Variants in XKR9 observed in about 807,000 individuals in gnomAD.
The protein encoded by XKR9 is XK-related protein 9.
In XKR9, 32 loss-of-function variants were observed where a neutral mutation model predicts 32.0. That is an observed-to-expected ratio of 1.00 (90% CI 0.76 to 1.34). XKR9 has a LOEUF of 1.34. Ranked by LOEUF, XKR9 falls within the 40% of genes most tolerant of loss-of-function variation. The probability of loss-of-function intolerance (pLI) is 0.00; values close to 1 mark genes in which losing one functional copy is unlikely to be tolerated. For synonymous variants in XKR9, 168 were observed against 143.4 expected, an observed-to-expected ratio of 1.17 and a Z score of -1.22; for missense variants, 546 against 429.7, an observed-to-expected ratio of 1.27 and a Z score of -2.39.
chr8:71,064,261 C>T, the XKR9 span, among the ~76,000 whole-genome samples: 1 of 152,216 alleles, frequency 6.6e-6, no homozygotes, highest in Admixed American at 6.5e-5. Context: ...TATTAGCTTC[C>T]ACATGCATCT....
intron 3 of XKR9, among the ~76,000 whole-genome samples, chr8:70,702,926 CT>C (rs2132166731): frequency 6.6e-6 from 1 of 152,164 alleles, no homozygotes; most frequent in East Asian, 1.9e-4. Context: ...TGTTTTCTGA[CT>C]TTTGTTGTTT....
At chr8:70,749,725 C>G (rs35960437) in intron 2 of XKR9, among the ~76,000 whole-genome samples, 61,161 of 151,896 alleles carry the variant, frequency 0.4, 13,828 homozygotes, top group Non-Finnish European at 0.52. Context: ...GGAACGAACC[C>G]AGCAGGTGCA....
At chr8:70,747,519 G>A (rs752444427) in intron 2 of XKR9, among the ~76,000 whole-genome samples, 1 of 152,216 alleles carries the variant, frequency 6.6e-6, no homozygotes, top group Non-Finnish European at 1.5e-5. Context: ...GGGATGCCCT[G>A]TGTGGCCTTG....
intron 4 of XKR9, among the ~76,000 whole-genome samples, chr8:70,733,381 T>A (rs1371803995): frequency 6.6e-6 from 1 of 152,040 alleles, no homozygotes; most frequent in African/African-American, 2.4e-5. Flanking sequence ...ATTGGGTGTA[T>A]GCCTAAAATC....
At chr8:70,971,586 T>C in the XKR9 span, among the ~76,000 whole-genome samples, 1 of 152,198 alleles carries the variant, frequency 6.6e-6, no homozygotes, top group African/African-American at 2.4e-5. Flanking sequence ...AGAATCTTTA[T>C]GGTTTCAGAC....
the XKR9 span, among the ~76,000 whole-genome samples, chr8:70,820,936 C>G: frequency 6.6e-6 from 1 of 152,106 alleles, no homozygotes; most frequent in African/African-American, 2.4e-5. Context: ...AATCTCATGT[C>G]CCTTTCACAT....
chr8:70,752,020 C>T (rs1807149430), intron 2 of XKR9, among the ~76,000 whole-genome samples: 1 of 152,114 alleles, frequency 6.6e-6, no homozygotes, highest in African/African-American at 2.4e-5. Flanking sequence ...TTGTGTAAGC[C>T]AATTCCTTGA....
At chr8:70,930,975 A>G in the XKR9 span, among the ~76,000 whole-genome samples, 1 of 152,256 alleles carries the variant, frequency 6.6e-6, no homozygotes, top group East Asian at 1.9e-4. Context: ...TCTGATATTC[A>G]CCTGACCCAA....
intron 2 of XKR9, among the ~76,000 whole-genome samples, chr8:70,788,623 G>A (rs895270693): frequency 1.3e-5 from 2 of 152,060 alleles, no homozygotes; most frequent in Admixed American, 6.6e-5. Context: ...GTTTCAAACA[G>A]TGATTAAAAA....
chr8:70,777,526 C>T (rs558266608), intron 2 of XKR9, among the ~76,000 whole-genome samples: 19 of 152,234 alleles, frequency 1.2e-4, no homozygotes, highest in African/African-American at 2.9e-4. Flanking sequence ...CCTGAGGAAT[C>T]GCCACACTGT....
intron 3 of XKR9, among the ~76,000 whole-genome samples, chr8:70,690,030 A>G (rs1819455848): frequency 6.6e-6 from 1 of 152,210 alleles, no homozygotes; most frequent in Admixed American, 6.5e-5. Flanking sequence ...AGAAAATTGA[A>G]TTAGGTTGGG....
At chr8:70,717,132 C>T (rs1168524418) in intron 4 of XKR9, among the ~76,000 whole-genome samples, 2 of 152,174 alleles carry the variant, frequency 1.3e-5, no homozygotes, top group African/African-American at 2.4e-5. Context: ...CAGGGTACAG[C>T]CCCACTCCAG....
chr8:70,858,405 A>T, the XKR9 span, among the ~76,000 whole-genome samples: 1 of 152,208 alleles, frequency 6.6e-6, no homozygotes, highest in Non-Finnish European at 1.5e-5. Context: ...AATCCAACTT[A>T]CAAGAGGTGT....
chr8:70,816,718 A>G, the XKR9 span, among the ~76,000 whole-genome samples: 1 of 135,182 alleles, frequency 7.4e-6, no homozygotes, highest in Non-Finnish European at 1.6e-5. Context: ...AGATTGGGCT[A>G]GATGCAAAGA....
At chr8:70,917,317 A>G in the XKR9 span, among the ~76,000 whole-genome samples, 1 of 152,054 alleles carries the variant, frequency 6.6e-6, no homozygotes, top group Non-Finnish European at 1.5e-5. Flanking sequence ...GCTTTTTCTT[A>G]TTTGAAATTA....
chr8:70,708,175 G>A (rs1805785890), intron 4 of XKR9, among the ~76,000 whole-genome samples: 1 of 151,868 alleles, frequency 6.6e-6, no homozygotes, highest in African/African-American at 2.4e-5. Context: ...TCTCTTTTTT[G>A]TGATGCAAAT....
At chr8:71,017,844 A>G in the XKR9 span, among the ~76,000 whole-genome samples, 35 of 152,200 alleles carry the variant, frequency 2.3e-4, no homozygotes, top group African/African-American at 8.2e-4. Context: ...TAGTCATTCA[A>G]ATAATGGCAG....
chr8:71,058,125 G>A, the XKR9 span, among the ~76,000 whole-genome samples: 4 of 152,090 alleles, frequency 2.6e-5, no homozygotes, highest in Non-Finnish European at 5.9e-5. Flanking sequence ...AGCTTGCAGT[G>A]AGCCGAGATC....
the XKR9 span, among the ~76,000 whole-genome samples, chr8:70,921,684 A>T: frequency 6.6e-6 from 1 of 152,240 alleles, no homozygotes; most frequent in African/African-American, 2.4e-5. Flanking sequence ...TTTATGGCAG[A>T]CAAGTTTATA....
Sources: allele counts gnomAD v4.1 joint callset (sites outside exome capture counted in the v4.1 genomes callset), GRCh38; gene constraint gnomAD v4.1.1; transcripts MANE v1.5; gene names NCBI Gene and HGNC (gene_info 2026-07-23, HGNC 2026-07-21).